Variants in CBLN1 observed in about 807,000 individuals in gnomAD.
CBLN1 encodes the protein cerebellin 1 precursor.
CBLN1 carries 5 observed loss-of-function variants against 15.9 expected under a neutral mutation model. That is an observed-to-expected ratio of 0.31 (90% CI 0.16 to 0.66). The LOEUF (loss-of-function observed/expected upper bound fraction) is 0.66. Among genes scored for constraint, CBLN1 ranks in the 30% least tolerant of loss-of-function variants. The pLI is 0.75. For synonymous variants in CBLN1, 90 were observed against 107.6 expected, an observed-to-expected ratio of 0.84 and a Z score of 1.01; for missense variants, 164 against 253.7, an observed-to-expected ratio of 0.65 and a Z score of 2.40.
chr16:49,279,729 G>C (rs1050809601), intron 2 of CBLN1, 128 bp from the exon 3 acceptor site: 2 of 677,760 alleles, frequency 3.0e-6, no homozygotes, highest in East Asian at 3.3e-5. Context: ...TGGGGGGTGG[G>C]GGGGGCGAAT....
rs1374619393 is a variant in CBLN1, at chr16:49,278,921, T to A, written c.*483A>T. The A allele has an allele frequency of 6.5e-6, 1 of 154,306 alleles. No individual in the cohort carries two copies. Among genetic ancestry groups the A allele is most frequent in the African/African-American group, 2.5e-5 (1 of 40,804 alleles). The allele number at this position is 154,306 out of a possible 1,614,324, so 9.6% of individuals were successfully genotyped here. On this transcript the variant is annotated 3_prime_UTR_variant, in exon 3 of 3. Coordinates refer to ENST00000219197, the MANE Select transcript of CBLN1 (RefSeq NM_004352.4). ...TGCCAAATTAAAACTACCTTCCCCA[T>A]CCAAAACAAAACAACAACAACAACA...
Position 49,281,459 on chromosome 16 carries a change from C to T in CBLN1, c.7G>A (p.Gly3Ser). ...CCCAGCAGCAGCAGCTCCAGGACGCCCAGCATCGCGCCGCCGGCGCCCACC... is the reference window on the plus strand; with the variant it reads ...CCCAGCAGCAGCAGCTCCAGGACGCTCAGCATCGCGCCGCCGGCGCCCACC... ML[G>S]VLELLLLGAA... is the part of the protein sequence containing the mutation. Residue 3 changes from glycine (G) to serine (S), a missense_variant, in exon 1 of 3, where the codon GGC (glycine) becomes AGC (serine). By Grantham distance (56) the Gly-to-Ser change is moderately conservative. This residue lies in a region of CBLN1 where 127 missense variants were observed against 179.7 expected (regional missense o/e 0.71). Coordinates refer to ENST00000219197, the MANE Select transcript of CBLN1 (RefSeq NM_004352.4). 3 of 1,521,038 alleles carry T rather than the reference C, an allele frequency of 2.0e-6. No individual in the cohort carries two copies. Among genetic ancestry groups the T allele is most frequent in the Non-Finnish European group, 2.6e-6 (3 of 1,145,624 alleles). 94.2% of individuals were successfully genotyped at this position (1,521,038 alleles called of 1,614,324 possible).
At chr16:49,279,702 C>T (rs1480263461) in intron 2 of CBLN1, 101 bp from the exon 3 acceptor site, 9 of 454,340 alleles carry the variant, frequency 2.0e-5, no homozygotes, top group Admixed American at 6.3e-5. Context: ...CCTGTAAGGC[C>T]TGGAAGCACG....
chr16:49,279,722 G>A, intron 2 of CBLN1, 121 bp from the exon 3 acceptor site: 3 of 713,382 alleles, frequency 4.2e-6, no homozygotes, highest in Non-Finnish European at 6.7e-6. Flanking sequence ...GGAGAGGTGG[G>A]GGGTGGGGGG....
chr16:49,280,878 T>C (rs1345318630), intron 2 of CBLN1, 45 bp downstream of exon 2: 1 of 1,613,134 alleles, frequency 6.2e-7, no homozygotes, highest in East Asian at 2.2e-5. Flanking sequence ...CTGAGGCCAG[T>C]AACCCCCCTA....
In CBLN1 at chr16:49,279,589, G is replaced by C; in HGVS notation, c.397C>G (p.Leu133Val). 1.2e-6 allele frequency: 2 copies of C among 1,614,202 alleles called. No individual in the cohort carries two copies. Among genetic ancestry groups the C allele is most frequent in the Non-Finnish European group, 1.7e-6 (2 of 1,180,046 alleles). Residue 133 changes from leucine (L) to valine (V), a missense_variant, in exon 3 of 3, where the codon CTA (leucine) becomes GTA (valine). Leu to Val is a conservative substitution (Grantham distance 32). Coordinates refer to ENST00000219197, the MANE Select transcript of CBLN1 (RefSeq NM_004352.4). ...NRQTIQVSLMLNGWPVISAFA... is the reference protein window; with the variant it reads ...NRQTIQVSLMVNGWPVISAFA... ...GCTGAAATCACCGGCCACCCGTTTAGCATGAGGCTCACCTGAGAAAGAGAA... is the reference window on the plus strand; with the variant it reads ...GCTGAAATCACCGGCCACCCGTTTACCATGAGGCTCACCTGAGAAAGAGAA...
intron 2 of CBLN1, among the ~76,000 whole-genome samples, chr16:49,280,372 T>C (rs1963250861): frequency 6.6e-6 from 1 of 152,138 alleles, no homozygotes; most frequent in Non-Finnish European, 1.5e-5. Context: ...AGAGTAGCAC[T>C]ACGCCCCCTC....
At position 49,279,583 on chromosome 16, in the gene CBLN1, C is replaced by T. The variant is rs373881041; in HGVS notation, c.403G>A (p.Gly135Arg). 2 of 1,614,082 alleles carry T rather than the reference C, an allele frequency of 1.2e-6. No individual in the cohort carries two copies. The highest frequency in any genetic ancestry group is 2.7e-5 in the African/African-American group (2 of 74,916). Reference sequence around the variant, plus strand: ...GCGAAGGCTGAAATCACCGGCCACCCGTTTAGCATGAGGCTCACCTGAGAA... The same window carrying T: ...GCGAAGGCTGAAATCACCGGCCACCTGTTTAGCATGAGGCTCACCTGAGAA... The part of the protein sequence containing the change: ...QTIQVSLMLN[G>R]WPVISAFAGD... The change falls in exon 3 of 3, where the codon GGG (glycine) becomes AGG (arginine). Residue 135 changes from glycine to arginine, a missense_variant. Around this residue, in one of 3 missense-constraint regions of CBLN1, gnomAD observed 127 missense variants for 179.7 expected, o/e 0.71. Transcript: ENST00000219197.
chr16:49,280,077 A>G (rs1480999149), intron 2 of CBLN1, among the ~76,000 whole-genome samples: 1 of 152,158 alleles, frequency 6.6e-6, no homozygotes, highest in African/African-American at 2.4e-5. Context: ...TCCTGGACCC[A>G]GCTGCCAGGA....
In CBLN1 at chr16:49,281,380, A is replaced by G. The variant is rs773183596; in HGVS notation, c.86T>C (p.Val29Ala). 1 of 1,608,458 alleles carries G rather than the reference A, an allele frequency of 6.2e-7. No homozygotes were observed. The highest frequency in any genetic ancestry group is 1.1e-5 in the South Asian group (1 of 91,032). Reference sequence around the variant, plus strand: ...CACCACCAGGCACTTGCCCTCCAGCACGATGGGCTCCGTCTCATTCTGCCC... The same window carrying G: ...CACCACCAGGCACTTGCCCTCCAGCGCGATGGGCTCCGTCTCATTCTGCCC... ...ARGQNETEPI[V>A]LEGKCLVVCD... Residue 29 changes from valine to alanine, a missense_variant, in exon 1 of 3, where the codon GTG becomes GCG. By Grantham distance (64) the Val-to-Ala change is moderately conservative (BLOSUM62 0). Around this residue, in one of 3 missense-constraint regions of CBLN1, gnomAD observed 127 missense variants for 179.7 expected, o/e 0.71. Coordinates refer to ENST00000219197, the MANE Select transcript of CBLN1 (RefSeq NM_004352.4).
rs1963300781 is a variant in CBLN1 at position 49,281,550 on chromosome 16, C to T, written c.-85G>A. ...CCCGTCCCAGTCCCGCTCCGAAGCC[C>T]CCTCCTCAGCTCCGTGCGCAGCTCC... On this transcript the variant is annotated 5_prime_UTR_variant, in exon 1 of 3. Transcript: ENST00000219197. The T allele has an allele frequency of 1.1e-6, 1 of 950,484 alleles. No individual in the cohort carries two copies. The highest frequency in any genetic ancestry group is 4.2e-5 in the Admixed American group (1 of 23,778). The allele number at this position is 950,484 out of a possible 1,614,324, so 58.9% of individuals were successfully genotyped here.
Position 49,281,193 on chromosome 16 carries a change from A to C in CBLN1, c.264+9T>G. The C allele has an allele frequency of 1.2e-6, 2 of 1,614,130 alleles. No individual in the cohort carries two copies. The highest frequency in any genetic ancestry group is 1.7e-6 in the Non-Finnish European group (2 of 1,180,022). ...CAATCTGCACGCCGCGGGAGGAAGGAACACTCACCTGGTCGAAGTAGATGA... is the reference window on the plus strand; with the variant it reads ...CAATCTGCACGCCGCGGGAGGAAGGCACACTCACCTGGTCGAAGTAGATGA... On this transcript the variant is annotated intron_variant, in intron 1 of 2. Coordinates refer to ENST00000219197, the MANE Select transcript of CBLN1 (RefSeq NM_004352.4).
At chr16:49,280,817 G>C in intron 2 of CBLN1, 106 bp downstream of exon 2, 2 of 1,289,904 alleles carry the variant, frequency 1.6e-6, no homozygotes, top group Non-Finnish European at 2.2e-6. Flanking sequence ...GCAGCCCGAA[G>C]TACATGCAGC....
chr16:49,278,567 C>A lies in CBLN1; in HGVS notation c.*837G>T, dbSNP rs979016577. The stretch of plus-strand genomic sequence containing the variant: ...TTTATTAGATTAAAGCAAAATTAAA[C>A]CTTGACTATTCACACGTATGTTACA... On this transcript the variant is annotated 3_prime_UTR_variant, in exon 3 of 3. Coordinates refer to ENST00000219197, the MANE Select transcript of CBLN1 (RefSeq NM_004352.4). The A allele has an allele frequency of 6.6e-6, 1 of 152,216 alleles. No individual in the cohort carries two copies. The highest frequency in any genetic ancestry group is 2.4e-5 in the African/African-American group (1 of 41,456). 9.4% of individuals were successfully genotyped at this position (152,216 alleles called of 1,614,324 possible).
intron 2 of CBLN1, 90 bp downstream of exon 2, chr16:49,280,833 C>A: frequency 4.0e-6 from 6 of 1,488,260 alleles, no homozygotes; most frequent in Non-Finnish European, 4.7e-6. Context: ...GCAGCCGCCA[C>A]TTCTGCCTAC....
In CBLN1 at chr16:49,278,732, A is replaced by G. The variant is rs1051515207; in HGVS notation, c.*672T>C. On this transcript the variant is annotated 3_prime_UTR_variant, in exon 3 of 3. Transcript: ENST00000219197. The stretch of plus-strand genomic sequence containing the variant: ...ATAGAACATAGAAATACGGAAACAC[A>G]GCCAGTTTCCACTGGGAAGAGTTCT... 2.0e-5 allele frequency: 3 copies of G among 152,272 alleles called. No homozygotes were observed. Among genetic ancestry groups the G allele is most frequent in the African/African-American group, 7.2e-5 (3 of 41,452 alleles). The allele number at this position is 152,272 out of a possible 1,614,324, so 9.4% of individuals were successfully genotyped here.
At chr16:49,280,827 C>A in intron 2 of CBLN1, 96 bp downstream of exon 2, 1 of 1,406,024 alleles carries the variant, frequency 7.1e-7, no homozygotes, top group Non-Finnish European at 1.0e-6. Context: ...GTACATGCAG[C>A]CGCCACTTCT....
rs1203539838 is a variant in CBLN1 at position 49,281,216 on chromosome 16, T to C, written c.250A>G (p.Ile84Val). The change falls in exon 1 of 3, where the codon ATC (isoleucine) becomes GTC (valine). Residue 84 changes from isoleucine (I) to valine (V), a missense_variant. This residue lies in a region of CBLN1 where 127 missense variants were observed against 179.7 expected (regional missense o/e 0.71). Transcript: ENST00000219197. The stretch of plus-strand genomic sequence containing the variant: ...GGAACACTCACCTGGTCGAAGTAGA[T>C]GATCATGGTGCGATTACTCATCTCG... ...PSEMSNRTMI[I>V]YFDQVLVNIG... The C allele has an allele frequency of 1.2e-6, 2 of 1,614,038 alleles. No individual in the cohort carries two copies. Among genetic ancestry groups the C allele is most frequent in the Non-Finnish European group, 1.7e-6 (2 of 1,180,038 alleles).
chr16:49,279,078 T>C lies in CBLN1; in HGVS notation c.*326A>G, dbSNP rs1963229887. On this transcript the variant is annotated 3_prime_UTR_variant, in exon 3 of 3. Coordinates refer to ENST00000219197, the MANE Select transcript of CBLN1 (RefSeq NM_004352.4). ...ATTATGTAGTGAAATACAAAGTTTC[T>C]TTAAATAAATTGCAGGGAACATGAA... 2 of 339,880 alleles carry C rather than the reference T, an allele frequency of 5.9e-6. No homozygotes were observed. The highest frequency in any genetic ancestry group is 1.1e-5 in the Non-Finnish European group (2 of 187,064). 21.1% of individuals were successfully genotyped at this position (339,880 alleles called of 1,614,324 possible).
Sources: gnomAD v4.1 joint callset for allele counts (sites outside exome capture counted in the v4.1 genomes callset) on GRCh38, gnomAD v4.1.1 for gene constraint, gnomAD v4.1.1 regional missense constraint, MANE v1.5 for transcripts, NCBI Gene and HGNC (gene_info 2026-07-23, HGNC 2026-07-21) for gene names.